The following KDM5A variants were observed in gnomAD, a reference collection of about 807,000 sequenced individuals.
KDM5A encodes lysine demethylase 5A.
Under a neutral mutation model 193.5 loss-of-function variants are expected in KDM5A, and 42 were observed. The ratio of observed to expected loss-of-function variants is 0.22; its 90% CI spans 0.17 to 0.28. The LOEUF is 0.28. Ranked by LOEUF, KDM5A falls within the 10% of genes least tolerant of loss-of-function variation. The pLI is 1.00. For missense variants in KDM5A, 1,692 were observed against 2,055.1 expected, an observed-to-expected ratio of 0.82 and a Z score of 3.42; for synonymous variants, 796 against 718.1, an observed-to-expected ratio of 1.11 and a Z score of -1.73.
chr12:340,947 T>C (rs1472500872), intron 10 of KDM5A, among the ~76,000 whole-genome samples: 1 of 152,070 alleles, frequency 6.6e-6, no homozygotes, highest in African/African-American at 2.4e-5. Flanking sequence ...TTACATGAAG[T>C]TGGAGTAAAA....
intron 1 of KDM5A, chr12:387,348 A>AT (rs1442875539): frequency 8.1e-6 from 2 of 246,476 alleles, no homozygotes; most frequent in East Asian, 1.4e-4. Flanking sequence ...TTATTTCAGC[A>AT]TTTTTTTAAG....
chr12:333,372 T>C, intron 12 of KDM5A, 115 bp downstream of exon 12: 2 of 1,126,404 alleles, frequency 1.8e-6, no homozygotes, highest in South Asian at 1.3e-5. Context: ...TGAGCAATCA[T>C]CGTGCCGCTG....
intron 1 of KDM5A, among the ~76,000 whole-genome samples, chr12:387,590 C>G (rs1028116839): frequency 5.3e-5 from 8 of 152,122 alleles, no homozygotes; most frequent in East Asian, 1.9e-4. Context: ...TAACCTTAAA[C>G]AAAGTCATTC....
intron 19 of KDM5A, among the ~76,000 whole-genome samples, chr12:315,852 G>GT (rs1943645208): frequency 6.6e-6 from 1 of 152,158 alleles, no homozygotes; most frequent in East Asian, 1.9e-4. Context: ...GGACTTTCAG[G>GT]TATCTGTGGG....
chr12:347,995 A>G (rs1449968502), intron 10 of KDM5A, among the ~76,000 whole-genome samples: 1 of 152,210 alleles, frequency 6.6e-6, no homozygotes, highest in Non-Finnish European at 1.5e-5. Context: ...AAGGGGAGAA[A>G]ATTTTTGCAA....
intron 10 of KDM5A, among the ~76,000 whole-genome samples, chr12:343,624 G>C (rs1944034424): frequency 6.6e-6 from 1 of 152,148 alleles, no homozygotes; most frequent in African/African-American, 2.4e-5. Flanking sequence ...AGGCAAACAG[G>C]GTCTGGAATG....
At chr12:378,040 A>G (rs193068771) in intron 3 of KDM5A, among the ~76,000 whole-genome samples, 1 of 152,368 alleles carries the variant, frequency 6.6e-6, no homozygotes, top group East Asian at 1.9e-4. Flanking sequence ...GATGACGGAC[A>G]TAAAGTATGG....
chr12:329,999 T>G (rs1260635790), intron 13 of KDM5A, among the ~76,000 whole-genome samples: 2 of 151,940 alleles, frequency 1.3e-5, no homozygotes, highest in South Asian at 2.1e-4. Context: ...TGAGGCTATC[T>G]CTGAATTATG....
At chr12:310,072 T>C in intron 21 of KDM5A, 108 bp from the exon 22 acceptor site, 1 of 1,110,620 alleles carries the variant, frequency 9.0e-7, no homozygotes, top group Non-Finnish European at 1.3e-6. Context: ...CCACGCACTT[T>C]CTTAAGGACT....
chr12:315,510 C>T (rs1003880007), intron 19 of KDM5A, among the ~76,000 whole-genome samples: 5 of 152,174 alleles, frequency 3.3e-5, no homozygotes, highest in South Asian at 2.1e-4. Flanking sequence ...GGGCAGTGGA[C>T]GTTGCCATGA....
chr12:281,881 C>G lies in KDM5A; in HGVS notation c.*3575G>C, dbSNP rs1943157708. 2 of 279,918 alleles carry G rather than the reference C, an allele frequency of 7.1e-6. No homozygotes were observed. The highest frequency in any genetic ancestry group is 4.3e-5 in the African/African-American group (2 of 45,988). 17.3% of individuals were successfully genotyped at this position (279,918 alleles called of 1,614,324 possible). ...TGGCGTGCACGAATTGCATCCAGAACCCAAAAATTAAGAAATTCAAAAAGA... is the reference window on the plus strand; with the variant it reads ...TGGCGTGCACGAATTGCATCCAGAAGCCAAAAATTAAGAAATTCAAAAAGA... On this transcript the variant is annotated 3_prime_UTR_variant, in exon 28 of 28. Coordinates refer to ENST00000399788, the MANE Select transcript of KDM5A (RefSeq NM_001042603.3).
At chr12:368,188 T>C (rs1197800151) in intron 3 of KDM5A, among the ~76,000 whole-genome samples, 1 of 152,216 alleles carries the variant, frequency 6.6e-6, no homozygotes, top group Non-Finnish European at 1.5e-5. Flanking sequence ...TAATTCCATT[T>C]ATATAAGCTA....
intron 27 of KDM5A, among the ~76,000 whole-genome samples, 181 bp from the exon 28 acceptor site, chr12:285,843 A>G (rs1943213900): frequency 6.6e-6 from 1 of 152,342 alleles, no homozygotes; most frequent in Middle Eastern, 3.4e-3. Context: ...CCCCAAAATT[A>G]TATTTCACCA....
At chr12:388,647 A>G in intron 1 of KDM5A, 1 of 528,308 alleles carries the variant, frequency 1.9e-6, no homozygotes, top group East Asian at 3.4e-5. Context: ...TTTAAACACC[A>G]TATCGGCTAA....
chr12:388,975 G>C lies in KDM5A; in HGVS notation c.117C>G (p.Ile39Met), dbSNP rs200231185. 6.2e-7 allele frequency: 1 copy of C among 1,614,220 alleles called. No homozygotes were observed. Among genetic ancestry groups the C allele is most frequent in the Non-Finnish European group, 8.5e-7 (1 of 1,180,044 alleles). ...TGCCGGTTTTCTCCGCCAAAGGCCG[G>C]ATGCGGCCGATAAAGCTGAGCGGAT... ...FTDPLSFIGR[I>M]RPLAEKTGIC... The change falls in exon 1 of 28, where the codon ATC (isoleucine) becomes ATG (methionine). Residue 39 changes from isoleucine to methionine, a missense_variant. This residue lies in a region of KDM5A where 84 missense variants were observed against 68.2 expected (regional missense o/e 1.23). Coordinates refer to ENST00000399788, the MANE Select transcript of KDM5A (RefSeq NM_001042603.3).
chr12:301,469 C>T (rs1943440420), intron 24 of KDM5A, among the ~76,000 whole-genome samples: 1 of 152,104 alleles, frequency 6.6e-6, no homozygotes, highest in African/African-American at 2.4e-5. Context: ...AGGCCTTCAA[C>T]AAAATTCAAC....
At chr12:383,119 A>C (rs12304242) in intron 3 of KDM5A, among the ~76,000 whole-genome samples, 10,721 of 152,172 alleles carry the variant, frequency 0.07, 854 homozygotes, top group East Asian at 0.35. Flanking sequence ...TGATGGCCTC[A>C]GTCAGCCATT....
At chr12:290,743 T>C (rs889121244) in intron 27 of KDM5A, among the ~76,000 whole-genome samples, 4 of 152,072 alleles carry the variant, frequency 2.6e-5, no homozygotes, top group Non-Finnish European at 2.9e-5. Context: ...TAAGTGTTTA[T>C]ATTGCTATAA....
intron 22 of KDM5A, among the ~76,000 whole-genome samples, 187 bp downstream of exon 22, chr12:309,616 G>A (rs1943555265): frequency 6.6e-6 from 1 of 152,194 alleles, no homozygotes; most frequent in South Asian, 2.1e-4. Flanking sequence ...TTTGGGAAAA[G>A]AGCAGAATAC....
Sources: gnomAD v4.1 joint callset for allele counts (sites outside exome capture counted in the v4.1 genomes callset) on GRCh38, gnomAD v4.1.1 for gene constraint, gnomAD v4.1.1 regional missense constraint, MANE v1.5 for transcripts, NCBI Gene and HGNC (gene_info 2026-07-23, HGNC 2026-07-21) for gene names.